Variants in SLC4A4 observed in about 807,000 individuals in gnomAD.
The protein encoded by SLC4A4 is solute carrier family 4 member 4.
SLC4A4 carries 27 observed loss-of-function variants against 111.5 expected under a neutral mutation model. That is an observed-to-expected ratio of 0.24 (90% CI 0.18 to 0.33). The LOEUF (loss-of-function observed/expected upper bound fraction) is 0.33. Among genes scored for constraint, SLC4A4 ranks in the 10% least tolerant of loss-of-function variants. SLC4A4 has a pLI of 1.00. For synonymous variants in SLC4A4, 443 were observed against 463.4 expected (o/e 0.96, Z 0.57); for missense variants, 909 against 1,315.5 (o/e 0.69, Z 4.78).
At chr4:71,402,656 A>T (rs1190027815) in intron 7 of SLC4A4, among the ~76,000 whole-genome samples, 2 of 152,248 alleles carry the variant, frequency 1.3e-5, no homozygotes, top group Non-Finnish European at 2.9e-5. Flanking sequence ...GAACAAAGGC[A>T]TGTTGTGAGA....
intron 16 of SLC4A4, among the ~76,000 whole-genome samples, chr4:71,504,805 T>C (rs1423935642): frequency 6.6e-6 from 1 of 152,124 alleles, no homozygotes; most frequent in Non-Finnish European, 1.5e-5. Context: ...GGTGGTTTGC[T>C]GCACAGATCA....
exon 2 of SLC4A4, among the ~76,000 whole-genome samples, chr4:71,092,732 A>T (rs1211249026): frequency 6.6e-6 from 1 of 152,204 alleles, no homozygotes; most frequent in Admixed American, 6.5e-5. Flanking sequence ...TTTTACAGAT[A>T]CCCATAATTG....
chr4:71,151,185 A>G (rs1744303555), intron 2 of SLC4A4, among the ~76,000 whole-genome samples: 1 of 152,240 alleles, frequency 6.6e-6, no homozygotes, highest in Non-Finnish European at 1.5e-5. Flanking sequence ...GTTCTGTGCC[A>G]CAGCACTGGT....
intron 3 of SLC4A4, among the ~76,000 whole-genome samples, chr4:71,275,444 C>T (rs376509676): frequency 1.8e-4 from 28 of 152,308 alleles, no homozygotes; most frequent in East Asian, 7.7e-4. Context: ...CTTGTTCAAA[C>T]TGGTTATCAT....
In SLC4A4 at chr4:71,436,188, G is replaced by A. The variant is rs561483053; in HGVS notation, c.808-4428G>A. ...GCCTATAAATGATAGACTGGATAAA[G>A]AAAATGTGGCATATATACACCATGG... On this transcript the variant is annotated intron_variant, in intron 7 of 25. Coordinates refer to ENST00000264485, the MANE Select transcript of SLC4A4 (RefSeq NM_001098484.3). 2.1e-3 allele frequency among the ~76,000 whole-genome samples: 321 copies of A among 152,270 alleles called. 2 individuals carry two copies. Among genetic ancestry groups the A allele is most frequent in the African/African-American group, 7.3e-3 (303 of 41,558 alleles).
At chr4:71,221,131 G>T (rs1192754436) in intron 1 of SLC4A4, among the ~76,000 whole-genome samples, 1 of 152,172 alleles carries the variant, frequency 6.6e-6, no homozygotes, top group Non-Finnish European at 1.5e-5. Flanking sequence ...CGGGCATTTA[G>T]GTTGATTCCA....
intron 11 of SLC4A4, 135 bp downstream of exon 11, chr4:71,451,436 C>T: frequency 1.4e-6 from 1 of 718,266 alleles, no homozygotes; most frequent in Admixed American, 2.0e-5. Context: ...CTATTTGTCA[C>T]AGGCACTGGG....
chr4:71,187,010 G>A (rs1745479084), upstream of SLC4A4: 1 of 152,490 alleles, frequency 6.6e-6, no homozygotes, highest in Non-Finnish European at 1.5e-5. Context: ...CTTTCCTCGC[G>A]GGCCGTTCAG....
Position 71,431,355 on chromosome 4 carries a change from T to C in SLC4A4, c.808-9261T>C, listed in dbSNP as rs900653701. Among the ~76,000 whole-genome samples the C allele has an allele frequency of 6.6e-5, 10 of 151,972 alleles. 1 individual carries two copies. The highest frequency in any genetic ancestry group is 1.3e-4 in the Non-Finnish European group (9 of 67,986). On this transcript the variant is annotated intron_variant, in intron 7 of 25. Coordinates refer to ENST00000264485, the MANE Select transcript of SLC4A4 (RefSeq NM_001098484.3). ...GATGAGAAGGTCACTTAATTAAATA[T>C]TGGAAGGAAGTGAAGGAGGGAGCCC...
intron 16 of SLC4A4, among the ~76,000 whole-genome samples, chr4:71,511,385 G>A (rs1321230811): frequency 6.6e-6 from 1 of 151,544 alleles, no homozygotes; most frequent in Non-Finnish European, 1.5e-5. Flanking sequence ...TTCTTTTTTG[G>A]CAATGTTTTC....
At chr4:71,199,806 A>G (rs1176689060) in intron 1 of SLC4A4, among the ~76,000 whole-genome samples, 1 of 152,070 alleles carries the variant, frequency 6.6e-6, no homozygotes, top group African/African-American at 2.4e-5. Flanking sequence ...GCGCACCACC[A>G]TGCCTGGCTA....
At chr4:71,244,250 G>A (rs1720467410) in intron 2 of SLC4A4, among the ~76,000 whole-genome samples, 1 of 152,152 alleles carries the variant, frequency 6.6e-6, no homozygotes, top group Admixed American at 6.5e-5. Flanking sequence ...ACATGGTGGT[G>A]GACCAGTAGT....
chr4:71,152,309 A>C (rs1229663262), intron 2 of SLC4A4, among the ~76,000 whole-genome samples: 1 of 152,054 alleles, frequency 6.6e-6, no homozygotes, highest in Non-Finnish European at 1.5e-5. Context: ...ATAATACAAC[A>C]TATATTTTTG....
At chr4:71,282,785 C>T (rs1400235063) in intron 3 of SLC4A4, among the ~76,000 whole-genome samples, 4 of 151,786 alleles carry the variant, frequency 2.6e-5, no homozygotes, top group Non-Finnish European at 5.9e-5. Flanking sequence ...CTATGTTGCC[C>T]AGGCTGGTCT....
chr4:71,459,450 T>C (rs1167254161), intron 12 of SLC4A4, among the ~76,000 whole-genome samples: 2 of 152,050 alleles, frequency 1.3e-5, no homozygotes, highest in Non-Finnish European at 2.9e-5. Context: ...TGTATACAGA[T>C]AGATTGACAT....
chr4:71,407,696 T>A (rs1191858696), intron 7 of SLC4A4, among the ~76,000 whole-genome samples: 1 of 152,140 alleles, frequency 6.6e-6, no homozygotes. Context: ...TTAGTTCATC[T>A]AATAAATGGA....
At chr4:71,409,673 G>A (rs976559037) in intron 7 of SLC4A4, among the ~76,000 whole-genome samples, 1 of 152,196 alleles carries the variant, frequency 6.6e-6, no homozygotes, top group Non-Finnish European at 1.5e-5. Context: ...ATGTTTTGAG[G>A]AGAAATTCAA....
chr4:71,275,684 G>GA (rs1723019633), intron 3 of SLC4A4, among the ~76,000 whole-genome samples: 1 of 152,238 alleles, frequency 6.6e-6, no homozygotes, highest in Admixed American at 6.5e-5. Flanking sequence ...GAGGACAAGT[G>GA]ATTTGGCCAA....
At chr4:71,251,026 A>G (rs1421598402) in intron 2 of SLC4A4, among the ~76,000 whole-genome samples, 2 of 152,312 alleles carry the variant, frequency 1.3e-5, no homozygotes, top group South Asian at 2.1e-4. Flanking sequence ...AATAGTTGCT[A>G]TCATCTGTAT....
Sources: allele counts gnomAD v4.1 joint callset (sites outside exome capture counted in the v4.1 genomes callset), GRCh38; gene constraint gnomAD v4.1.1; transcripts MANE v1.5; gene names NCBI Gene and HGNC (gene_info 2026-07-23, HGNC 2026-07-21).